Variants in COMMD9 observed in about 807,000 individuals in gnomAD.
The protein encoded by COMMD9 is COMM domain-containing protein 9.
In COMMD9, 22 loss-of-function variants were observed where a neutral mutation model predicts 23.4. The ratio of observed to expected loss-of-function variants is 0.94; its 90% CI spans 0.67 to 1.34. The LOEUF is 1.34. Among genes scored for constraint, COMMD9 ranks in the 40% most tolerant of loss-of-function variants. The pLI, the probability that COMMD9 is intolerant of heterozygous loss-of-function variation, is 0.00. For synonymous variants in COMMD9, 99 were observed against 97.4 expected, an observed-to-expected ratio of 1.02 and a Z score of -0.10; for missense variants, 231 against 240.2, an observed-to-expected ratio of 0.96 and a Z score of 0.25.
At chr11:36,279,054 C>T (rs1036500400) in intron 2 of COMMD9, among the ~76,000 whole-genome samples, 4 of 152,110 alleles carry the variant, frequency 2.6e-5, no homozygotes, top group African/African-American at 9.7e-5. Context: ...CCTGGGGTGC[C>T]GGTAGCTCTG....
At chr11:36,277,167 T>C in intron 3 of COMMD9, 44 bp from the exon 4 acceptor site, 1 of 1,463,998 alleles carries the variant, frequency 6.8e-7, no homozygotes, top group South Asian at 1.3e-5. Context: ...GGAAAGGGGA[T>C]GAGACTGACT....
Position 36,274,551 on chromosome 11 carries a change from G to T in COMMD9, c.*81C>A. ...ATCCTGCCTGTTGTCAGCTGCAGCTGCAAGGGCAGCCTGCATATGGGGAGA... is the reference window on the plus strand; with the variant it reads ...ATCCTGCCTGTTGTCAGCTGCAGCTTCAAGGGCAGCCTGCATATGGGGAGA... On this transcript the variant is annotated 3_prime_UTR_variant, in exon 6 of 6. Transcript: ENST00000263401. 1 of 1,553,592 alleles carries T rather than the reference G, an allele frequency of 6.4e-7. No individual in the cohort carries two copies. Among genetic ancestry groups the T allele is most frequent in the East Asian group, 2.2e-5 (1 of 44,466 alleles).
chr11:36,274,719 G>A lies in COMMD9; in HGVS notation c.510C>T (p.Thr170=), dbSNP rs781181892. 133 of 1,614,070 alleles carry A rather than the reference G, an allele frequency of 8.2e-5. No individual in the cohort carries two copies. The highest frequency in any genetic ancestry group is 4.8e-4 in the South Asian group (44 of 91,090). ...CCAGTGTTTCTTTGCTCAGCTCCAC[G>A]GTGACAGCTGAGATGGAGGGTTTGT... ...CGDKPSISAV[T]VELSKETLDT... Residue 170 remains threonine, a synonymous_variant, in exon 6 of 6, where the codon ACC becomes ACT. Coordinates refer to ENST00000263401, the MANE Select transcript of COMMD9 (RefSeq NM_014186.4).
chr11:36,281,133 AT>A (rs898391558), intron 1 of COMMD9, among the ~76,000 whole-genome samples: 1 of 151,974 alleles, frequency 6.6e-6, no homozygotes, highest in South Asian at 2.1e-4. Flanking sequence ...AGTTCCCTGG[AT>A]TTTTTTTGCT....
rs1170365350 is a variant in COMMD9 at position 36,273,219 on chromosome 11, A to ATTC, written c.*1410_*1412dup. 4 of 152,248 alleles carry ATTC rather than the reference A, an allele frequency of 2.6e-5. No homozygotes were observed. Among genetic ancestry groups the ATTC allele is most frequent in the African/African-American group, 9.6e-5 (4 of 41,544 alleles). 9.4% of individuals were successfully genotyped at this position (152,248 alleles called of 1,614,324 possible). A position where few individuals can be genotyped will look rare whatever the true frequency, so the allele number is the denominator to read the frequency against. On this transcript the variant is annotated 3_prime_UTR_variant, in exon 6 of 6. Coordinates refer to ENST00000263401, the MANE Select transcript of COMMD9 (RefSeq NM_014186.4). ...TTGGCTGCCTGACTCCTGACAGCAT[A>ATTC]TTCTTAATCTGTGGATTTACCTCCT...
At chr11:36,280,292 C>T (rs1345039774) in intron 2 of COMMD9, among the ~76,000 whole-genome samples, 1 of 152,140 alleles carries the variant, frequency 6.6e-6, no homozygotes, top group Non-Finnish European at 1.5e-5. Context: ...TTCTGTGGGA[C>T]AGAGGGGTGA....
At chr11:36,281,844 A>C (rs949200151) in intron 1 of COMMD9, among the ~76,000 whole-genome samples, 4 of 152,268 alleles carry the variant, frequency 2.6e-5, no homozygotes, top group Non-Finnish European at 2.9e-5. Flanking sequence ...ACAGATGTTA[A>C]AATTATCTGA....
chr11:36,274,141 AC>A lies in COMMD9; in HGVS notation c.*490del. 2.4e-6 allele frequency: 1 copy of A among 416,158 alleles called. No homozygotes were observed. The highest frequency in any genetic ancestry group is 4.9e-6 in the Non-Finnish European group (1 of 205,602). 25.8% of individuals were successfully genotyped at this position (416,158 alleles called of 1,614,324 possible). A position where few individuals can be genotyped will look rare whatever the true frequency, so the allele number is the denominator to read the frequency against. On this transcript the variant is annotated 3_prime_UTR_variant, in exon 6 of 6. Coordinates refer to ENST00000263401, the MANE Select transcript of COMMD9 (RefSeq NM_014186.4). ...GGGGCTCAGGGAACACTCTGGATGG[AC>A]CATGCTCTGTGGGCTCTGCCTGGCT...
intron 1 of COMMD9, among the ~76,000 whole-genome samples, chr11:36,282,692 T>A (rs1856086803): frequency 6.6e-6 from 1 of 152,144 alleles, no homozygotes; most frequent in Admixed American, 6.5e-5. Context: ...CAAGAAACCA[T>A]GGAACACCAG....
chr11:36,275,694 G>A (rs961690529), intron 5 of COMMD9, among the ~76,000 whole-genome samples: 3 of 152,086 alleles, frequency 2.0e-5, no homozygotes, highest in Non-Finnish European at 2.9e-5. Context: ...CACCCACCTC[G>A]GCCTCCCAAA....
chr11:36,282,129 A>G (rs926394054), intron 1 of COMMD9, among the ~76,000 whole-genome samples: 1 of 152,196 alleles, frequency 6.6e-6, no homozygotes, highest in Non-Finnish European at 1.5e-5. Flanking sequence ...AGAAAAAACT[A>G]TGAACAGAGC....
rs1419261492 is a variant in COMMD9, at chr11:36,274,316, A to G, written c.*316T>C. 1.7e-6 allele frequency: 1 copy of G among 575,306 alleles called. No homozygotes were observed. The highest frequency in any genetic ancestry group is 4.1e-5 in the East Asian group (1 of 24,466). The allele number at this position is 575,306 out of a possible 1,614,324, so 35.6% of individuals were successfully genotyped here. A position where few individuals can be genotyped will look rare whatever the true frequency, so the allele number is the denominator to read the frequency against. The stretch of plus-strand genomic sequence containing the variant: ...TGATTTGGGCCTGAATTTCTCAAAC[A>G]GCTATGCAGAGGCAGCTGACGATGC... On this transcript the variant is annotated 3_prime_UTR_variant, in exon 6 of 6. Coordinates refer to ENST00000263401, the MANE Select transcript of COMMD9 (RefSeq NM_014186.4).
chr11:36,279,315 C>T (rs1452528552), intron 2 of COMMD9, among the ~76,000 whole-genome samples: 1 of 152,180 alleles, frequency 6.6e-6, no homozygotes, highest in Non-Finnish European at 1.5e-5. Context: ...CATCCTAGGT[C>T]CTTCTAAGTG....
In COMMD9 at chr11:36,273,635, C is replaced by T. The variant is rs12294357; in HGVS notation, c.*997G>A. 10,764 of 152,388 alleles carry T rather than the reference C, an allele frequency of 0.071. 432 individuals carry two copies. The highest frequency in any genetic ancestry group is 0.1 in the South Asian group (493 of 4,818). The allele number at this position is 152,388 out of a possible 1,614,324, so 9.4% of individuals were successfully genotyped here. Reference sequence around the variant, plus strand: ...GAGCTGGGACTACAGATGCCCGCCACCGCGCCCAGCTAATTTTTTGTATTT... The same window carrying T: ...GAGCTGGGACTACAGATGCCCGCCATCGCGCCCAGCTAATTTTTTGTATTT... On this transcript the variant is annotated 3_prime_UTR_variant, in exon 6 of 6. Transcript: ENST00000263401.
chr11:36,275,729 A>C (rs1855959476), intron 5 of COMMD9, among the ~76,000 whole-genome samples: 1 of 152,244 alleles, frequency 6.6e-6, no homozygotes, highest in Non-Finnish European at 1.5e-5. Flanking sequence ...GGCGTAAGCC[A>C]CTGCTCCCAG....
intron 1 of COMMD9, among the ~76,000 whole-genome samples, chr11:36,284,329 A>G (rs1302315719): frequency 2.0e-5 from 3 of 152,246 alleles, no homozygotes; most frequent in Admixed American, 2.0e-4. Context: ...TTTATCCACC[A>G]GGAAGATGTC....
chr11:36,282,029 T>C, intron 1 of COMMD9, among the ~76,000 whole-genome samples: 1 of 152,002 alleles, frequency 6.6e-6, no homozygotes, highest in South Asian at 2.1e-4. Context: ...GTAGATGGGC[T>C]CAGCACCAAA....
intron 1 of COMMD9, among the ~76,000 whole-genome samples, chr11:36,285,293 C>T (rs1466615896): frequency 1.3e-5 from 2 of 152,076 alleles, no homozygotes; most frequent in African/African-American, 2.4e-5. Context: ...ACACAAACTA[C>T]TTCCACTCCC....
chr11:36,283,407 T>G (rs1234820025), intron 1 of COMMD9, among the ~76,000 whole-genome samples: 3 of 152,136 alleles, frequency 2.0e-5, no homozygotes, highest in Non-Finnish European at 4.4e-5. Flanking sequence ...AGAGGAAATA[T>G]TTAAGACAAT....
Sources: gnomAD v4.1 joint callset for allele counts (sites outside exome capture counted in the v4.1 genomes callset) on GRCh38, gnomAD v4.1.1 for gene constraint, MANE v1.5 for transcripts, NCBI Gene and HGNC (gene_info 2026-07-23, HGNC 2026-07-21) for gene names.